Variants in ANKHD1 observed in about 807,000 individuals in gnomAD.
The protein encoded by ANKHD1 is ankyrin repeat and KH domain containing 1.
ANKHD1 carries 31 observed loss-of-function variants against 230.5 expected under a neutral mutation model. The ratio of observed to expected loss-of-function variants is 0.13; its 90% confidence interval spans 0.10 to 0.18. ANKHD1 has a LOEUF of 0.18. ANKHD1 is among the 10% of genes least tolerant of loss of function. The pLI, the probability that ANKHD1 is intolerant of heterozygous loss-of-function variation, is 1.00. For missense variants in ANKHD1, 2,256 were observed against 3,071.3 expected (o/e 0.73, Z 6.27); for synonymous variants, 1,074 against 1,117.6 (o/e 0.96, Z 0.78).
At chr5:140,475,494 A>G (rs1008752924) in intron 10 of ANKHD1, among the ~76,000 whole-genome samples, 6 of 152,184 alleles carry the variant, frequency 3.9e-5, no homozygotes, top group African/African-American at 7.2e-5. Context: ...TCAACTATCT[A>G]GGGTTATGGT....
intron 15 of ANKHD1, among the ~76,000 whole-genome samples, chr5:140,502,038 T>TTA (rs1561805148): frequency 2.3e-5 from 3 of 132,580 alleles, no homozygotes; most frequent in African/African-American, 2.7e-5. Context: ...CCTATCTCTT[T>TTA]AAAAAAAAAA....
intron 22 of ANKHD1, 143 bp downstream of exon 22, chr5:140,510,324 T>TC (rs1752706809): frequency 7.8e-7 from 1 of 1,283,698 alleles, no homozygotes; most frequent in African/African-American, 1.5e-5. Flanking sequence ...TTTTTTTTTT[T>TC]TTTTTTGAGA....
intron 13 of ANKHD1, among the ~76,000 whole-genome samples, chr5:140,486,369 AGCATT>A (rs1023526061): frequency 1.3e-5 from 2 of 152,098 alleles, no homozygotes; most frequent in African/African-American, 4.8e-5. Context: ...CGGCCGAGAA[AGCATT>A]TTCTTAATAC....
At chr5:140,457,414 T>C (rs1047837571) in intron 7 of ANKHD1, among the ~76,000 whole-genome samples, 4 of 152,236 alleles carry the variant, frequency 2.6e-5, no homozygotes, top group Non-Finnish European at 5.9e-5. Flanking sequence ...CATATGTTTA[T>C]TGCGGCACTA....
At position 140,539,578 on chromosome 5, in the gene ANKHD1, T is replaced by A; in HGVS notation, c.*160T>A. Reference sequence around the variant, plus strand: ...AGAACAAATTGATTTCCTATCCACCTGATTATGTTCTCTGGTTAGTTTAGC... The same window carrying A: ...AGAACAAATTGATTTCCTATCCACCAGATTATGTTCTCTGGTTAGTTTAGC... On this transcript the variant is annotated 3_prime_UTR_variant, in exon 34 of 34. Transcript: ENST00000360839. 1 of 788,220 alleles carries A rather than the reference T, an allele frequency of 1.3e-6. No homozygotes were observed. The highest frequency in any genetic ancestry group is 1.9e-6 in the Non-Finnish European group (1 of 514,326). 48.8% of individuals were successfully genotyped at this position (788,220 alleles called of 1,614,324 possible). A position where few individuals can be genotyped will look rare whatever the true frequency, so the allele number is the denominator to read the frequency against.
At chr5:140,525,620 C>T (rs899681649) in intron 25 of ANKHD1, among the ~76,000 whole-genome samples, 5 of 152,118 alleles carry the variant, frequency 3.3e-5, no homozygotes, top group Admixed American at 1.3e-4. Flanking sequence ...CCTGTAATCC[C>T]GCACTTTGGG....
intron 10 of ANKHD1, among the ~76,000 whole-genome samples, chr5:140,474,379 T>C (rs987205554): frequency 6.6e-6 from 1 of 152,186 alleles, no homozygotes; most frequent in East Asian, 1.9e-4. Flanking sequence ...TTAGAGAATG[T>C]CCTCCCTCCA....
rs1014011643 is a variant in ANKHD1, at chr5:140,402,049, G to A, written c.82G>A (p.Ala28Thr). 5 of 1,493,224 alleles carry A rather than the reference G, an allele frequency of 3.3e-6. No individual in the cohort carries two copies. Among genetic ancestry groups the A allele is most frequent in the Non-Finnish European group, 4.4e-6 (5 of 1,126,754 alleles). 92.5% of individuals were successfully genotyped at this position (1,493,224 alleles called of 1,614,324 possible). A position where few individuals can be genotyped will look rare whatever the true frequency, so the allele number is the denominator to read the frequency against. Reference sequence around the variant, plus strand: ...GGCTCCGCGATCCGCCCCAGCTGGGGCCTCGGAGCCGCCTCCGCCGGGAGG... The same window carrying A: ...GGCTCCGCGATCCGCCCCAGCTGGGACCTCGGAGCCGCCTCCGCCGGGAGG... Reference protein sequence around the residue: ...SVAPRSAPAGASEPPPPGGVG... With the variant: ...SVAPRSAPAGTSEPPPPGGVG... Residue 28 changes from alanine to threonine, a missense_variant, in exon 1 of 34, where the codon GCC (alanine) becomes ACC (threonine). Ala to Thr is a moderately conservative substitution (Grantham distance 58). Transcript: ENST00000360839.
chr5:140,422,870 A>G (rs1332379500), intron 1 of ANKHD1, among the ~76,000 whole-genome samples: 4 of 151,558 alleles, frequency 2.6e-5, no homozygotes, highest in Non-Finnish European at 4.4e-5. Flanking sequence ...ATGAAAAAAG[A>G]AGGTAAATTA....
chr5:140,518,236 AG>A (rs1753138167), intron 24 of ANKHD1, among the ~76,000 whole-genome samples: 1 of 152,170 alleles, frequency 6.6e-6, no homozygotes, highest in African/African-American at 2.4e-5. Flanking sequence ...AGACTAAACC[AG>A]GAAGAAGTTG....
rs1208142910 is a variant in ANKHD1, at chr5:140,419,377, G to T, written c.307-16727G>T. Among the ~76,000 whole-genome samples the T allele has an allele frequency of 2.0e-5, 3 of 150,144 alleles. No individual in the cohort carries two copies. In the South Asian group the frequency reaches 6.3e-4, roughly 31 times the overall value. ...AATTTGTTTTAGGAAAAAAATTCTG[G>T]ATGCTAGTTCCTTAACAGATCCATG... On this transcript the variant is annotated intron_variant, in intron 1 of 33. Coordinates refer to ENST00000360839, the MANE Select transcript of ANKHD1 (RefSeq NM_017747.3).
intron 24 of ANKHD1, among the ~76,000 whole-genome samples, chr5:140,514,692 T>G (rs1390797493): frequency 1.3e-5 from 2 of 152,076 alleles, no homozygotes; most frequent in Non-Finnish European, 2.9e-5. Flanking sequence ...AATTTACGGC[T>G]GGGAGCGGTA....
intron 1 of ANKHD1, among the ~76,000 whole-genome samples, chr5:140,405,592 T>C (rs1294985084): frequency 1.3e-5 from 2 of 152,202 alleles, no homozygotes; most frequent in Non-Finnish European, 2.9e-5. Context: ...TGATGAATAA[T>C]ACTAAAATCC....
intron 29 of ANKHD1, chr5:140,532,996 G>C (rs1753900882): frequency 4.6e-6 from 1 of 218,318 alleles, no homozygotes; most frequent in Non-Finnish European, 9.6e-6. Flanking sequence ...TACTCAGTAG[G>C]CTGAGGCAGG....
At chr5:140,416,721 G>A (rs1361188648) in intron 1 of ANKHD1, among the ~76,000 whole-genome samples, 4 of 152,024 alleles carry the variant, frequency 2.6e-5, no homozygotes, top group African/African-American at 9.7e-5. Flanking sequence ...CTGGCCTCAA[G>A]TGATCCTCCC....
At chr5:140,439,407 A>G (rs1285009198) in intron 3 of ANKHD1, among the ~76,000 whole-genome samples, 2 of 152,158 alleles carry the variant, frequency 1.3e-5, no homozygotes, top group African/African-American at 2.4e-5. Flanking sequence ...ATGGTGGCTC[A>G]TGTTTGTAAC....
In ANKHD1 at chr5:140,477,035, G is replaced by C. The variant is rs60013570; in HGVS notation, c.1783-5545G>C. ...CAATTGTTAAAGGGCAGAGACTTCT[G>C]AATTAGAGTCAGAATCAAAATGTAA... is the stretch of plus-strand genomic sequence containing the variant. On this transcript the variant is annotated intron_variant, in intron 10 of 33. Coordinates refer to ENST00000360839, the MANE Select transcript of ANKHD1 (RefSeq NM_017747.3). 2.6e-3 allele frequency among the ~76,000 whole-genome samples: 402 copies of C among 152,230 alleles called. 1 individual carries two copies. The highest frequency in any genetic ancestry group is 9.4e-3 in the African/African-American group (389 of 41,554).
At chr5:140,521,386 G>C (rs951084585) in intron 24 of ANKHD1, among the ~76,000 whole-genome samples, 14 of 152,276 alleles carry the variant, frequency 9.2e-5, no homozygotes, top group Non-Finnish European at 1.8e-4. Flanking sequence ...TGTAATCCCA[G>C]CACTTTGGGA....
rs1029656675 is a variant in ANKHD1 at position 140,455,798 on chromosome 5, G to C, written c.1243-2827G>C. 3.9e-5 allele frequency among the ~76,000 whole-genome samples: 6 copies of C among 152,196 alleles called. No homozygotes were observed. The East Asian group carries it at 5.8e-4, about 15-fold the overall frequency. ...AAACTGGAAGCATTCCCTTTGAAAA[G>C]TGGCACAAGACAGGCATGCCGTCTC... On this transcript the variant is annotated intron_variant, in intron 7 of 33. Coordinates refer to ENST00000360839, the MANE Select transcript of ANKHD1 (RefSeq NM_017747.3).
Sources: gnomAD v4.1 joint callset for allele counts (sites outside exome capture counted in the v4.1 genomes callset) on GRCh38, gnomAD v4.1.1 for gene constraint, MANE v1.5 for transcripts, NCBI Gene and HGNC (gene_info 2026-07-23, HGNC 2026-07-21) for gene names.